Variants in TENM1 observed in about 807,000 individuals in gnomAD.
The protein encoded by TENM1 is teneurin-1.
Under a neutral mutation model 174.8 loss-of-function variants are expected in TENM1, and 35 were observed. That is an observed-to-expected ratio of 0.20 (90% CI 0.15 to 0.27). The LOEUF (loss-of-function observed/expected upper bound fraction) is 0.27, where lower values mean the gene tolerates loss of function less well. TENM1 is among the 10% of genes least tolerant of loss of function. The pLI, the probability that TENM1 is intolerant of heterozygous loss-of-function variation, is 1.00. For missense variants in TENM1, 1,633 were observed against 2,130.1 expected, an observed-to-expected ratio of 0.77 and a Z score of 4.59; for synonymous variants, 781 against 798.7, an observed-to-expected ratio of 0.98 and a Z score of 0.37.
chrX:124,447,303 C>A (rs2060975031), intron 23 of TENM1, among the ~76,000 whole-genome samples: 2 of 111,349 alleles, frequency 1.8e-5, no homozygotes, highest in Non-Finnish European at 3.8e-5. Flanking sequence ...GGAAGCTGTG[C>A]CACACACAGG....
At chrX:124,598,702 C>T (rs979668882) in intron 11 of TENM1, among the ~76,000 whole-genome samples, 1 of 111,024 alleles carries the variant, frequency 9.0e-6, no homozygotes, top group Non-Finnish European at 1.9e-5. Flanking sequence ...CAACTGAACT[C>T]ATGTGGACAG....
At chrX:125,104,603 A>G in the TENM1 span, among the ~76,000 whole-genome samples, 1 of 106,697 alleles carries the variant, frequency 9.4e-6, no homozygotes, top group African/African-American at 3.5e-5. Flanking sequence ...CCCTGTCCAT[A>G]TCTCATGACC....
At chrX:124,509,713 ATTTTTTTTTTTTT>A (rs753100747) in intron 18 of TENM1, among the ~76,000 whole-genome samples, 17 of 75,886 alleles carry the variant, frequency 2.2e-4, no homozygotes, top group African/African-American at 8.1e-4. Context: ...ACTTTCTGGA[ATTTTTTTTTTTTT>A]TTTTTTTTTT....
intron 1 of TENM1, among the ~76,000 whole-genome samples, chrX:124,952,438 T>G (rs1179366222): frequency 9.1e-6 from 1 of 110,254 alleles, no homozygotes; most frequent in Non-Finnish European, 1.9e-5. Flanking sequence ...TACAATAAAA[T>G]TCTGCATTTC....
chrX:124,380,150 T>G (rs550445021), exon 32 of TENM1: 51 of 129,480 alleles, frequency 3.9e-4, no homozygotes, highest in Middle Eastern at 3.6e-3. Context: ...CCTATTCAAA[T>G]AGCCCGTAAG....
chrX:124,737,547 C>T (rs913565995), intron 3 of TENM1, among the ~76,000 whole-genome samples: 22 of 111,916 alleles, frequency 2.0e-4, no homozygotes, highest in African/African-American at 6.5e-4. Context: ...AGCTGATTTC[C>T]ATCAGTTGCA....
intron 22 of TENM1, among the ~76,000 whole-genome samples, chrX:124,469,850 G>A (rs1243026930): frequency 9.0e-5 from 10 of 111,566 alleles, no homozygotes; most frequent in African/African-American, 3.3e-4. Context: ...GGATATGAAA[G>A]TGAATTTACC....
At position 124,455,071 on chromosome X, in the gene TENM1, A is replaced by T. The variant is rs1378904710; in HGVS notation, c.3950-1580T>A. ...GAACTAATTCATTGGCAGGAAGTTA[A>T]TATTAAGACTTGGCTTTATGGTATA... On this transcript the variant is annotated intron_variant, in intron 22 of 31. Coordinates refer to ENST00000422452, the Ensembl canonical transcript of TENM1. Among the ~76,000 whole-genome samples, 3 of 112,422 alleles carry T rather than the reference A, an allele frequency of 2.7e-5. No individual in the cohort carries two copies. In the Admixed American group the frequency reaches 2.8e-4, roughly 11 times the overall value.
the TENM1 span, among the ~76,000 whole-genome samples, chrX:124,988,510 T>G: frequency 8.9e-6 from 1 of 111,873 alleles, no homozygotes; most frequent in Non-Finnish European, 1.9e-5. Context: ...TTACACTGTT[T>G]CAGAAAATAA....
rs1183431809 is a variant in TENM1, at chrX:124,679,833, T to C, written c.1016-7998A>G. Among the ~76,000 whole-genome samples the C allele has an allele frequency of 2.7e-5, 3 of 111,927 alleles. No individual in the cohort carries two copies. In the East Asian group the frequency reaches 8.4e-4, roughly 31 times the overall value. On this transcript the variant is annotated intron_variant, in intron 5 of 31. Coordinates refer to ENST00000422452, the Ensembl canonical transcript of TENM1. ...CAGTTTCATTCAACTTTTCTCTTTT[T>C]TTCCTAGGGCTATACATATACATTT...
intron 22 of TENM1, among the ~76,000 whole-genome samples, chrX:124,471,658 A>T (rs2147908717): frequency 1.2e-5 from 1 of 85,779 alleles, no homozygotes; most frequent in East Asian, 3.4e-4. Context: ...ATAATATACA[A>T]TATAGAGTAA....
chrX:124,561,820 G>A lies in TENM1; in HGVS notation c.2288-3C>T, dbSNP rs371196856. 2.5e-6 allele frequency: 3 copies of A among 1,207,848 alleles called. No homozygotes were observed. In the African/African-American group the frequency reaches 5.3e-5, roughly 21 times the overall value. Reference sequence around the variant, plus strand: ...AAAGCAGAGCCCTGGGCAGCCATCTGAAAAGACATCAGAGAGTAACCATCA... The same window carrying A: ...AAAGCAGAGCCCTGGGCAGCCATCTAAAAAGACATCAGAGAGTAACCATCA... On this transcript the variant is annotated splice_polypyrimidine_tract_variant and splice_region_variant and intron_variant, in intron 13 of 31. Coordinates refer to ENST00000422452, the Ensembl canonical transcript of TENM1.
At chrX:124,781,141 T>A (rs2054900241) in intron 3 of TENM1, among the ~76,000 whole-genome samples, 1 of 112,059 alleles carries the variant, frequency 8.9e-6, no homozygotes, top group Admixed American at 9.5e-5. Flanking sequence ...GTAAGGGTTA[T>A]TTTTTGTTTG....
At chrX:124,796,539 C>A (rs949275995) in intron 3 of TENM1, among the ~76,000 whole-genome samples, 1 of 111,706 alleles carries the variant, frequency 9.0e-6, no homozygotes, top group Non-Finnish European at 1.9e-5. Context: ...CTTAAAAACA[C>A]AGGAAAATCT....
chrX:124,885,299 T>A (rs1432656953), intron 3 of TENM1, among the ~76,000 whole-genome samples: 1 of 110,524 alleles, frequency 9.0e-6, no homozygotes, highest in Non-Finnish European at 1.9e-5. Flanking sequence ...ATAATATATA[T>A]CTTGAACTTT....
chrX:124,546,797 T>C, intron 15 of TENM1, 77 bp downstream of exon 18: 1 of 844,417 alleles, frequency 1.2e-6, no homozygotes, highest in East Asian at 3.1e-5. Flanking sequence ...ACCTGATCCT[T>C]AGAAGATATC....
At chrX:125,152,681 A>G in the TENM1 span, among the ~76,000 whole-genome samples, 1 of 112,549 alleles carries the variant, frequency 8.9e-6, no homozygotes, top group South Asian at 3.7e-4. Flanking sequence ...TATCTTCAGA[A>G]TTCAAAATGG....
intron 3 of TENM1, among the ~76,000 whole-genome samples, chrX:124,838,498 A>G (rs1250363354): frequency 8.9e-6 from 1 of 111,959 alleles, no homozygotes; most frequent in African/African-American, 3.2e-5. Context: ...CTAAGGATCA[A>G]TATCTGTAAT....
At chrX:125,159,541 A>T in the TENM1 span, among the ~76,000 whole-genome samples, 1 of 112,259 alleles carries the variant, frequency 8.9e-6, no homozygotes, top group Non-Finnish European at 1.9e-5. Context: ...ACCATATTTC[A>T]ATTATATAAT....
Sources: allele counts gnomAD v4.1 joint callset (sites outside exome capture counted in the v4.1 genomes callset), GRCh38; gene constraint gnomAD v4.1.1; transcripts MANE v1.5; gene names NCBI Gene and HGNC (gene_info 2026-07-23, HGNC 2026-07-21).